Variants in ATP10B observed in about 807,000 individuals in gnomAD.
The protein encoded by ATP10B is ATPase phospholipid transporting 10B (putative), also known as phospholipid-transporting ATPase VB.
ATP10B carries 122 observed loss-of-function variants against 141.2 expected under a neutral mutation model. That is an observed-to-expected ratio of 0.86 (90% CI 0.75 to 1.00). The LOEUF is 1.00. ATP10B is among the 50% of genes least tolerant of loss of function. ATP10B has a pLI of 0.00. For missense variants in ATP10B, 1,876 were observed against 1,825.3 expected (o/e 1.03, Z -0.51); for synonymous variants, 685 against 692.0 (o/e 0.99, Z 0.16).
the ATP10B span, among the ~76,000 whole-genome samples, chr5:160,874,229 T>TGA: frequency 6.7e-6 from 1 of 150,054 alleles, no homozygotes; most frequent in Admixed American, 6.7e-5. Flanking sequence ...CCCTGACCCC[T>TGA]GACCCCTGAG....
rs1393997839 is a variant in ATP10B at position 160,755,832 on chromosome 5, AAAAAAAATATATATATATATATATAT to A, written c.-331+29701_-331+29726del. Among the ~76,000 whole-genome samples the A allele has an allele frequency of 2.1e-3, 141 of 68,716 alleles. 2 individuals are homozygous for A. Among genetic ancestry groups the A allele is most frequent in the African/African-American group, 0.011 (133 of 12,194 alleles). The allele number at this position is 68,716 out of a possible 152,430, so 45.1% of individuals were successfully genotyped here. A position where few individuals can be genotyped will look rare whatever the true frequency, so the allele number is the denominator to read the frequency against. Reference sequence around the variant, plus strand: ...TCCGTCTCAAAAAAAAAAAAAAAAAAAAAAAAATATATATATATATATATATATATATATATATATATATATTATAA... The same window carrying A: ...TCCGTCTCAAAAAAAAAAAAAAAAAAATATATATATATATATATATTATAA... On this transcript the variant is annotated intron_variant, in intron 2 of 25. Coordinates refer to ENST00000327245, the MANE Select transcript of ATP10B (RefSeq NM_025153.3).
intron 2 of ATP10B, among the ~76,000 whole-genome samples, chr5:160,732,214 A>G: frequency 6.6e-6 from 1 of 152,252 alleles, no homozygotes; most frequent in Non-Finnish European, 1.5e-5. Context: ...TTGGAGCCCC[A>G]AATAAAATAT....
At chr5:160,736,152 TAGAA>T (rs1201887320) in intron 2 of ATP10B, among the ~76,000 whole-genome samples, 1 of 151,932 alleles carries the variant, frequency 6.6e-6, no homozygotes, top group Non-Finnish European at 1.5e-5. Flanking sequence ...ATAAATGAGT[TAGAA>T]AGAATACAAA....
At chr5:160,579,102 A>C (rs1755382238) in intron 24 of ATP10B, among the ~76,000 whole-genome samples, 1 of 152,192 alleles carries the variant, frequency 6.6e-6, no homozygotes, top group Non-Finnish European at 1.5e-5. Flanking sequence ...AGATTGCAAA[A>C]ATTTTCTGCC....
At chr5:160,733,331 A>C (rs1013696321) in intron 2 of ATP10B, among the ~76,000 whole-genome samples, 11 of 152,184 alleles carry the variant, frequency 7.2e-5, no homozygotes, top group Non-Finnish European at 1.2e-4. Context: ...AATATAAAAT[A>C]GTCTAATATA....
chr5:160,858,355 G>A, the ATP10B span, among the ~76,000 whole-genome samples: 1 of 151,660 alleles, frequency 6.6e-6, no homozygotes, highest in Admixed American at 6.6e-5. Context: ...TGCTTATATT[G>A]CTGTATTTGA....
At chr5:160,648,992 C>CAAAA (rs369416034) in intron 8 of ATP10B, among the ~76,000 whole-genome samples, 179 bp downstream of exon 8, 4 of 120,430 alleles carry the variant, frequency 3.3e-5, no homozygotes, top group African/African-American at 1.2e-4. Context: ...TATCACTCAG[C>CAAAA]AAAAAAAAAA....
rs116328914 is a variant in ATP10B, at chr5:160,612,522, T to A, written c.2838+219A>T. ...ACTTTCTAACAAGCAGTGCCAGAAG[T>A]AATGTAAAAGAGACCAGCTAGCCAT... On this transcript the variant is annotated intron_variant, in intron 18 of 25. Coordinates refer to ENST00000327245, the MANE Select transcript of ATP10B (RefSeq NM_025153.3). The A allele has an allele frequency of 9.9e-3, 3,971 of 401,054 alleles. 22 individuals carry two copies. Among genetic ancestry groups the A allele is most frequent in the Middle Eastern group, 0.022 (34 of 1,532 alleles). 24.8% of individuals were successfully genotyped at this position (401,054 alleles called of 1,614,324 possible).
intron 24 of ATP10B, among the ~76,000 whole-genome samples, chr5:160,580,780 T>A (rs1755496412): frequency 6.6e-6 from 1 of 152,218 alleles, no homozygotes. Flanking sequence ...TGTGAATCCG[T>A]CTGGTCCTGG....
intron 1 of ATP10B, among the ~76,000 whole-genome samples, chr5:160,795,734 A>G (rs1347683166): frequency 6.6e-6 from 1 of 152,006 alleles, no homozygotes. Context: ...GTAAAAGGCA[A>G]CGCGACCACA....
chr5:160,720,914 T>C (rs1264384846), intron 2 of ATP10B, among the ~76,000 whole-genome samples: 2 of 152,240 alleles, frequency 1.3e-5, no homozygotes, highest in Non-Finnish European at 2.9e-5. Context: ...TGCTTTTTCT[T>C]ACTATTGTTG....
At chr5:160,606,665 T>C in intron 19 of ATP10B, 100 bp downstream of exon 19, 1 of 1,193,448 alleles carries the variant, frequency 8.4e-7, no homozygotes, top group Non-Finnish European at 1.2e-6. Flanking sequence ...ACTCACAGCC[T>C]AAGCATTCTG....
In ATP10B at chr5:160,620,660, C is replaced by T; in HGVS notation, c.2103G>A (p.Glu701=). The T allele has an allele frequency of 6.2e-7, 1 of 1,613,470 alleles. No homozygotes were observed. Among genetic ancestry groups the T allele is most frequent in the Non-Finnish European group, 8.5e-7 (1 of 1,179,470 alleles). The change falls in exon 15 of 26, where the codon GAG becomes GAA. Residue 701 remains glutamate, a synonymous_variant. Transcript: ENST00000327245. The stretch of plus-strand genomic sequence containing the variant: ...GGTCTGTGGCTGGGGCCTCCAATGC[C>T]TCCTCCAAGGAAGTGCCTGACCCAG... ...LESGSGTSLE[E]ALEAPATDLA...
intron 7 of ATP10B, among the ~76,000 whole-genome samples, chr5:160,649,583 G>A (rs1280345243): frequency 1.3e-5 from 2 of 152,174 alleles, no homozygotes; most frequent in Non-Finnish European, 2.9e-5. Flanking sequence ...TGTGCAGTAT[G>A]GAAGCCACTA....
chr5:160,850,244 A>G (rs570899056), intron 1 of ATP10B, among the ~76,000 whole-genome samples: 1 of 151,972 alleles, frequency 6.6e-6, no homozygotes, highest in Non-Finnish European at 1.5e-5. Context: ...CGTCTCTACT[A>G]AAAAACAAAA....
intron 7 of ATP10B, among the ~76,000 whole-genome samples, chr5:160,650,830 T>A (rs1407956502): frequency 6.6e-6 from 1 of 152,186 alleles, no homozygotes; most frequent in African/African-American, 2.4e-5. Context: ...TCCCTGTAAC[T>A]GGTTAGAGAA....
At position 160,604,011 on chromosome 5, in the gene ATP10B, T is replaced by C. The variant is rs754599357; in HGVS notation, c.3191A>G (p.Gln1064Arg). The C allele has an allele frequency of 6.2e-7, 1 of 1,613,968 alleles. No individual in the cohort carries two copies. The highest frequency in any genetic ancestry group is 8.5e-7 in the Non-Finnish European group (1 of 1,179,954). Reference sequence around the variant, plus strand: ...TATTCCAATTCCAATATCAGCAGCTTGAATCATGCTTACATCATTTGCTCC... The same window carrying C: ...TATTCCAATTCCAATATCAGCAGCTCGAATCATGCTTACATCATTTGCTCC... ...GDGANDVSMI[Q>R]AADIGIGISG... Residue 1064 changes from glutamine (Q) to arginine (R), a missense_variant, in exon 20 of 26, where the codon CAA becomes CGA. Coordinates refer to ENST00000327245, the MANE Select transcript of ATP10B (RefSeq NM_025153.3).
chr5:160,917,245 A>G, the ATP10B span, among the ~76,000 whole-genome samples: 1 of 148,034 alleles, frequency 6.8e-6, no homozygotes. Context: ...TTGTGGGGCC[A>G]GGGCTCCTGA....
intron 1 of ATP10B, among the ~76,000 whole-genome samples, chr5:160,846,862 C>G (rs941880815): frequency 6.6e-6 from 1 of 152,190 alleles, no homozygotes; most frequent in African/African-American, 2.4e-5. Context: ...TACATTTTCT[C>G]TGGTATAAGT....
Sources: gnomAD v4.1 joint callset for allele counts (sites outside exome capture counted in the v4.1 genomes callset) on GRCh38, gnomAD v4.1.1 for gene constraint, MANE v1.5 for transcripts, NCBI Gene and HGNC (gene_info 2026-07-23, HGNC 2026-07-21) for gene names.